IGSF11: variants seen among roughly 807,000 people sequenced by gnomAD.
IGSF11 encodes the protein CXADR like 1.
IGSF11 carries 22 observed loss-of-function variants against 41.0 expected under a neutral mutation model. That is an observed-to-expected ratio of 0.54 (90% confidence interval 0.38 to 0.77). The LOEUF is 0.77. Ranked by LOEUF, IGSF11 falls within the 30% of genes least tolerant of loss-of-function variation. IGSF11 has a pLI of 0.00. For synonymous variants in IGSF11, 219 were observed against 201.3 expected (o/e 1.09, Z -0.74); for missense variants, 444 against 530.8 (o/e 0.84, Z 1.61).
chr3:118,982,067 CA>C (rs1934781050), intron 1 of IGSF11: 1 of 152,208 alleles, frequency 6.6e-6, no homozygotes, highest in Non-Finnish European at 1.5e-5. Context: ...ACACTGGACA[CA>C]AGTCAGGCAC....
intron 1 of IGSF11, among the ~76,000 whole-genome samples, chr3:118,950,415 T>C (rs1218380889): frequency 6.6e-6 from 1 of 152,166 alleles, no homozygotes; most frequent in Non-Finnish European, 1.5e-5. Context: ...CAAATGTTGA[T>C]TGCCACGACG....
chr3:119,035,142 C>T (rs982077788), upstream of IGSF11, among the ~76,000 whole-genome samples: 1 of 152,212 alleles, frequency 6.6e-6, no homozygotes, highest in Non-Finnish European at 1.5e-5. Context: ...TTGGTCTAAA[C>T]CCCTCCGCAA....
At chr3:119,100,643 A>G (rs567120429) in intron 1 of IGSF11, among the ~76,000 whole-genome samples, 1 of 152,364 alleles carries the variant, frequency 6.6e-6, no homozygotes, top group South Asian at 2.1e-4. Flanking sequence ...TTAAATTTAC[A>G]AGAAAAATCC....
chr3:119,084,819 G>A (rs969150200), intron 1 of IGSF11, among the ~76,000 whole-genome samples: 2 of 152,212 alleles, frequency 1.3e-5, no homozygotes, highest in African/African-American at 2.4e-5. Context: ...CTGGAGGAGG[G>A]AGCCACGAGC....
At chr3:118,914,236 A>C (rs1309915113) in intron 4 of IGSF11, among the ~76,000 whole-genome samples, 1 of 152,204 alleles carries the variant, frequency 6.6e-6, no homozygotes, top group African/African-American at 2.4e-5. Flanking sequence ...CTTAATAAAT[A>C]GAAAATCGGG....
At chr3:118,916,558 T>C (rs1941120185) in intron 4 of IGSF11, among the ~76,000 whole-genome samples, 3 of 151,256 alleles carry the variant, frequency 2.0e-5, no homozygotes, top group African/African-American at 7.3e-5. Context: ...AGGAGCTAAC[T>C]ATCCTAAATA....
chr3:119,107,679 T>A (rs1248794578), upstream of IGSF11, among the ~76,000 whole-genome samples: 1 of 152,212 alleles, frequency 6.6e-6, no homozygotes, highest in African/African-American at 2.4e-5. Context: ...ATGTCCTGAA[T>A]GGTAATGCCT....
intron 1 of IGSF11, among the ~76,000 whole-genome samples, chr3:119,095,547 A>G (rs536494791): frequency 1.4e-4 from 22 of 152,308 alleles, no homozygotes; most frequent in Admixed American, 1.4e-3. Context: ...AAATTAACCT[A>G]TTACTGTTCA....
chr3:119,073,421 C>T lies in IGSF11; in HGVS notation c.49+31723G>A, dbSNP rs370902191. Among the ~76,000 whole-genome samples, 36 of 152,302 alleles carry T rather than the reference C, an allele frequency of 2.4e-4. No homozygotes were observed. In the South Asian group the frequency reaches 6.4e-3, roughly 27 times the overall value. The stretch of plus-strand genomic sequence containing the variant: ...CTGCACTCCTCAGCCCTTGGGCGAT[C>T]GATGGGGACTGGATGCCATGGTGCC... On this transcript the variant is annotated intron_variant, in intron 1 of 6. Coordinates refer to the IGSF11 transcript ENST00000354673.
intron 1 of IGSF11, among the ~76,000 whole-genome samples, chr3:119,126,369 A>T (rs1416805944): frequency 6.6e-6 from 1 of 152,144 alleles, no homozygotes; most frequent in Non-Finnish European, 1.5e-5. Context: ...CAGAATTCAG[A>T]TCTCCCTGGG....
chr3:119,035,764 C>T, upstream of IGSF11, among the ~76,000 whole-genome samples: 1 of 152,116 alleles, frequency 6.6e-6, no homozygotes, highest in Admixed American at 6.6e-5. Context: ...TATTGTACAG[C>T]TCATAGTCAC....
At chr3:119,035,276 C>T (rs1385568524), upstream of IGSF11, among the ~76,000 whole-genome samples, 1 of 152,236 alleles carries the variant, frequency 6.6e-6, no homozygotes, top group Non-Finnish European at 1.5e-5. Flanking sequence ...GGCTTTTTCA[C>T]TTTCAGTCCT....
intron 1 of IGSF11, among the ~76,000 whole-genome samples, chr3:118,965,923 T>G (rs1945643386): frequency 6.6e-6 from 1 of 151,614 alleles, no homozygotes; most frequent in African/African-American, 2.4e-5. Context: ...GTTGGGTGGA[T>G]GAGTTCTGGG....
intron 1 of IGSF11, among the ~76,000 whole-genome samples, chr3:119,058,590 G>T (rs1432849856): frequency 6.6e-6 from 1 of 152,186 alleles, no homozygotes; most frequent in South Asian, 2.1e-4. Flanking sequence ...TCTACAACTG[G>T]AAATACCATT....
intron 4 of IGSF11, among the ~76,000 whole-genome samples, chr3:118,913,092 A>T (rs1486447303): frequency 6.6e-6 from 1 of 152,126 alleles, no homozygotes; most frequent in Non-Finnish European, 1.5e-5. Flanking sequence ...GGTGATCTGG[A>T]AAAATAAAAA....
intron 1 of IGSF11, among the ~76,000 whole-genome samples, chr3:119,062,666 G>A (rs1001681801): frequency 1.3e-5 from 2 of 152,150 alleles, no homozygotes; most frequent in African/African-American, 4.8e-5. Context: ...TTAGCAAGGT[G>A]GCACTTCAAA....
chr3:119,042,133 T>C (rs1005340593), intron 1 of IGSF11, among the ~76,000 whole-genome samples: 1 of 152,148 alleles, frequency 6.6e-6, no homozygotes, highest in African/African-American at 2.4e-5. Context: ...TGCACCACAC[T>C]GAGGTTAAAG....
intron 1 of IGSF11, among the ~76,000 whole-genome samples, chr3:119,096,595 T>C (rs2076855066): frequency 6.6e-6 from 1 of 152,198 alleles, no homozygotes; most frequent in South Asian, 2.1e-4. Flanking sequence ...TATTTGCCTC[T>C]AGGTTGTGAA....
Position 119,064,755 on chromosome 3 carries a change from C to G in IGSF11, c.49+40389G>C, listed in dbSNP as rs549445061. Among the ~76,000 whole-genome samples the G allele has an allele frequency of 5.3e-5, 8 of 151,944 alleles. No individual in the cohort carries two copies. The South Asian group carries it at 1.7e-3, about 32-fold the overall frequency. ...TGTTCCTTTTTAATTAAATTTATTG[C>G]TCGTATGTGACATTCTTTGATGTAA... On this transcript the variant is annotated intron_variant, in intron 1 of 6. Transcript: ENST00000354673.
Sources: gnomAD v4.1 joint callset for allele counts (sites outside exome capture counted in the v4.1 genomes callset) on GRCh38, gnomAD v4.1.1 for gene constraint, MANE v1.5 for transcripts, NCBI Gene and HGNC (gene_info 2026-07-23, HGNC 2026-07-21) for gene names.